The following ZNF860 variants were observed in gnomAD, a reference collection of about 807,000 sequenced individuals.
ZNF860 encodes zinc finger protein 860.
For synonymous variants in ZNF860, 206 were observed against 248.9 expected (o/e 0.83, Z 1.62); for missense variants, 641 against 759.2 (o/e 0.84, Z 1.83).
chr3:31,986,735 G>T (rs1009657604), intron 1 of ZNF860, among the ~76,000 whole-genome samples: 1 of 152,038 alleles, frequency 6.6e-6, no homozygotes, highest in Non-Finnish European at 1.5e-5. Context: ...TGAAGACCAG[G>T]TGCAGTAGCT....
At chr3:31,995,754 C>G (rs986874573), downstream of ZNF860, among the ~76,000 whole-genome samples, 1 of 152,204 alleles carries the variant, frequency 6.6e-6, no homozygotes, top group Non-Finnish European at 1.5e-5. Flanking sequence ...TTATGTTCCT[C>G]TGCTGAGGCT....
At chr3:32,004,071 A>T in the ZNF860 span, among the ~76,000 whole-genome samples, 1 of 152,224 alleles carries the variant, frequency 6.6e-6, no homozygotes, top group Non-Finnish European at 1.5e-5. Flanking sequence ...CTTTGGAGAC[A>T]AGCAGTAGAA....
chr3:32,006,239 C>T, the ZNF860 span, among the ~76,000 whole-genome samples: 1,454 of 152,324 alleles, frequency 9.5e-3, 18 homozygotes, highest in African/African-American at 0.033. Flanking sequence ...AGCCACCGCA[C>T]CCCTCCATCT....
At chr3:31,997,524 A>G in the ZNF860 span, among the ~76,000 whole-genome samples, 1 of 152,006 alleles carries the variant, frequency 6.6e-6, no homozygotes, top group South Asian at 2.1e-4. Flanking sequence ...CAGCCTCCCA[A>G]AATGCTGGGA....
Position 31,989,357 on chromosome 3 carries a change from A to G in ZNF860, c.278A>G (p.Glu93Gly). 1.9e-6 allele frequency: 3 copies of G among 1,614,222 alleles called. No homozygotes were observed. The highest frequency in any genetic ancestry group is 2.5e-6 in the Non-Finnish European group (3 of 1,180,026). Residue 93 changes from glutamate to glycine, a missense_variant, in exon 2 of 2, where the codon GAA becomes GGA. By Grantham distance (98) the Glu-to-Gly change is moderately conservative (BLOSUM62 -2). Transcript: ENST00000360311. The part of the protein sequence containing the change: ...EVDTGTLERH[E>G]SHHIGDFCFQ... ...GACACAGGGACATTAGAAAGACATG[A>G]AAGTCATCACATTGGAGATTTTTGC... is the stretch of plus-strand genomic sequence containing the variant.
chr3:31,992,157 A>AG (rs1256258579), downstream of ZNF860, among the ~76,000 whole-genome samples: 5 of 152,048 alleles, frequency 3.3e-5, no homozygotes, highest in African/African-American at 1.2e-4. Context: ...AAAAAAAAAA[A>AG]AAAAAGATAT....
rs752352944 is a variant in ZNF860, at chr3:31,990,062, A to G, written c.983A>G (p.Asn328Ser). 5.9e-5 allele frequency: 95 copies of G among 1,613,920 alleles called. No homozygotes were observed. The highest frequency in any genetic ancestry group is 7.4e-5 in the Non-Finnish European group (87 of 1,179,938). The change falls in exon 2 of 2, where the codon AAT becomes AGT. Residue 328 changes from asparagine to serine, a missense_variant. Coordinates refer to ENST00000360311, the MANE Select transcript of ZNF860 (RefSeq NM_001137674.3). ...ECDKVFSRKS[N>S]LERHRRIHTG... ...GACAAAGTTTTTAGTCGCAAATCAA[A>G]TCTTGAAAGACATAGGAGAATTCAT...
intron 1 of ZNF860, among the ~76,000 whole-genome samples, chr3:31,984,295 C>T (rs2125513042): frequency 6.6e-6 from 1 of 151,658 alleles, no homozygotes; most frequent in East Asian, 1.9e-4. Context: ...CCACCTCGGC[C>T]TCCCAAAGTG....
intron 1 of ZNF860, among the ~76,000 whole-genome samples, chr3:31,984,393 T>C (rs866837979): frequency 6.6e-5 from 10 of 150,748 alleles, no homozygotes; most frequent in Admixed American, 2.6e-4. Flanking sequence ...GGGCTAAGGA[T>C]GGGGAAGCTG....
the ZNF860 span, among the ~76,000 whole-genome samples, chr3:32,002,831 T>C: frequency 7.5e-6 from 1 of 132,636 alleles, no homozygotes; most frequent in Non-Finnish European, 1.8e-5. Context: ...TCTGCTTTTA[T>C]CTTTTATTCC....
intron 1 of ZNF860, among the ~76,000 whole-genome samples, chr3:31,988,339 A>G (rs775124252): frequency 3.9e-5 from 6 of 152,144 alleles, no homozygotes; most frequent in Non-Finnish European, 7.4e-5. Flanking sequence ...CTAGTGCAGT[A>G]ATGGGATGAG....
At position 31,982,455 on chromosome 3, in the gene ZNF860, T is replaced by TA. The variant is rs35289632; in HGVS notation, c.-421+561dup. Among the ~76,000 whole-genome samples, 145 of 152,024 alleles carry TA rather than the reference T, an allele frequency of 9.5e-4. 2 individuals are homozygous for TA. The South Asian group carries it at 0.026, about 28-fold the overall frequency. On this transcript the variant is annotated intron_variant, in intron 1 of 1. Coordinates refer to ENST00000360311, the MANE Select transcript of ZNF860 (RefSeq NM_001137674.3). ...TCAAGCAGATAAATACTTCAAGAGT[T>TA]AAAAAAAATTACTAAATGGAAAAGT...
chr3:31,999,359 C>CTTTTTTT, the ZNF860 span, among the ~76,000 whole-genome samples: 1 of 125,862 alleles, frequency 7.9e-6, no homozygotes, highest in African/African-American at 3.1e-5. Context: ...ATATCAAAAT[C>CTTTTTTT]TTTTTTTTTT....
intron 1 of ZNF860, 38 bp from the exon 2 acceptor site, chr3:31,988,618 CTCTT>C (rs1698977340): frequency 5.6e-6 from 1 of 178,888 alleles, no homozygotes; most frequent in Non-Finnish European, 1.2e-5. Flanking sequence ...CTCTCTCTCT[CTCTT>C]TCTCTCTCCC....
At chr3:31,985,644 A>T (rs935178741) in intron 1 of ZNF860, among the ~76,000 whole-genome samples, 2 of 152,224 alleles carry the variant, frequency 1.3e-5, no homozygotes, top group Admixed American at 1.3e-4. Context: ...CATTGGCCAG[A>T]TGACAGGAAT....
At position 31,989,685 on chromosome 3, in the gene ZNF860, T is replaced by C; in HGVS notation, c.606T>C (p.His202=). The change falls in exon 2 of 2, where the codon CAT becomes CAC. Residue 202 remains histidine (H), a synonymous_variant. Transcript: ENST00000360311. Reference sequence around the variant, plus strand: ...GAATTTCTTCTAGGCCCAAAATCCATATTTCTAATAACTATGAAAATAATT... The same window carrying C: ...GAATTTCTTCTAGGCCCAAAATCCACATTTCTAATAACTATGAAAATAATT... ...SQRISSRPKI[H]ISNNYENNFF... 1 of 1,613,978 alleles carries C rather than the reference T, an allele frequency of 6.2e-7. No homozygotes were observed. The highest frequency in any genetic ancestry group is 8.5e-7 in the Non-Finnish European group (1 of 1,179,974).
chr3:31,982,668 A>C (rs1698874295), intron 1 of ZNF860, among the ~76,000 whole-genome samples: 1 of 150,090 alleles, frequency 6.7e-6, no homozygotes, highest in Non-Finnish European at 1.5e-5. Flanking sequence ...AAAAAATCTG[A>C]AAAGAGCTTG....
At chr3:31,994,379 T>G (rs1402010247), downstream of ZNF860, among the ~76,000 whole-genome samples, 2 of 152,124 alleles carry the variant, frequency 1.3e-5, no homozygotes, top group East Asian at 3.8e-4. Context: ...ATAGTGAAAT[T>G]TATTAAATGT....
At chr3:32,004,053 AACTGCC>A in the ZNF860 span, among the ~76,000 whole-genome samples, 46 of 152,322 alleles carry the variant, frequency 3.0e-4, no homozygotes, top group African/African-American at 1.1e-3. Context: ...GTCTTCAACA[AACTGCC>A]ACTTTGGAGA....
Sources: gnomAD v4.1 joint callset for allele counts (sites outside exome capture counted in the v4.1 genomes callset) on GRCh38, gnomAD v4.1.1 for gene constraint, MANE v1.5 for transcripts, NCBI Gene and HGNC (gene_info 2026-07-23, HGNC 2026-07-21) for gene names.